ENTREP2: variants seen among roughly 807,000 people sequenced by gnomAD.
ENTREP2 encodes endosomal transmembrane epsin interactor 2, also known as protein ENTREP2.
At chr15:29,488,227 T>C in the ENTREP2 span, among the ~76,000 whole-genome samples, 14 of 152,192 alleles carry the variant, frequency 9.2e-5, no homozygotes, top group Admixed American at 1.3e-4. Context: ...AATAAAGATA[T>C]AGAAATTATA....
chr15:29,311,954 T>A, the ENTREP2 span, among the ~76,000 whole-genome samples: 12 of 152,264 alleles, frequency 7.9e-5, no homozygotes, highest in East Asian at 2.3e-3. Context: ...AATTATATGA[T>A]CATCTCTACA....
the ENTREP2 span, among the ~76,000 whole-genome samples, chr15:29,162,747 A>G: frequency 6.6e-6 from 1 of 151,432 alleles, no homozygotes; most frequent in East Asian, 1.9e-4. Context: ...AAAACAAAGG[A>G]CATATAATCT....
chr15:29,295,061 A>G, the ENTREP2 span, among the ~76,000 whole-genome samples: 2 of 152,252 alleles, frequency 1.3e-5, no homozygotes, highest in Non-Finnish European at 2.9e-5. Flanking sequence ...ACAGGGTGAC[A>G]GGGGTCAGTT....
At chr15:29,532,945 CT>C in the ENTREP2 span, among the ~76,000 whole-genome samples, 1 of 152,202 alleles carries the variant, frequency 6.6e-6, no homozygotes, top group African/African-American at 2.4e-5. Flanking sequence ...CTGAAACTCA[CT>C]TCCATATTTA....
chr15:29,334,873 G>A, the ENTREP2 span, among the ~76,000 whole-genome samples: 1 of 152,190 alleles, frequency 6.6e-6, no homozygotes, highest in Non-Finnish European at 1.5e-5. Flanking sequence ...GTACCCACAT[G>A]GAGACGCCAT....
chr15:29,383,569 C>CT, the ENTREP2 span, among the ~76,000 whole-genome samples: 1 of 152,184 alleles, frequency 6.6e-6, no homozygotes, highest in Non-Finnish European at 1.5e-5. Flanking sequence ...GCTGGAAGGG[C>CT]TTGGCTGCAT....
the ENTREP2 span, among the ~76,000 whole-genome samples, chr15:29,600,708 G>C: frequency 6.6e-6 from 1 of 151,970 alleles, no homozygotes; most frequent in South Asian, 2.1e-4. Flanking sequence ...CTGGCCTCAA[G>C]TGATCCTCCC....
At chr15:29,515,644 C>T in the ENTREP2 span, among the ~76,000 whole-genome samples, 3 of 152,144 alleles carry the variant, frequency 2.0e-5, no homozygotes, top group African/African-American at 7.2e-5. Context: ...TGTAATCCAG[C>T]GAGTCCTGTG....
At chr15:29,188,914 A>C in the ENTREP2 span, among the ~76,000 whole-genome samples, 1 of 152,202 alleles carries the variant, frequency 6.6e-6, no homozygotes, top group Non-Finnish European at 1.5e-5. Flanking sequence ...TGCGTCAGCG[A>C]ACACATCCCC....
the ENTREP2 span, among the ~76,000 whole-genome samples, chr15:29,642,478 T>C: frequency 1.5e-5 from 2 of 134,936 alleles, no homozygotes; most frequent in Non-Finnish European, 1.6e-5. Flanking sequence ...ATACTGTATA[T>C]ACACATATAT....
chr15:29,397,650 A>T, the ENTREP2 span, among the ~76,000 whole-genome samples: 182 of 152,338 alleles, frequency 1.2e-3, 1 homozygote, highest in African/African-American at 4.1e-3. Context: ...AACTTGCTAA[A>T]TTACTACAAT....
At chr15:29,566,717 A>G in the ENTREP2 span, among the ~76,000 whole-genome samples, 10 of 149,052 alleles carry the variant, frequency 6.7e-5, no homozygotes, top group African/African-American at 1.5e-4. Context: ...TCAGTCTCCC[A>G]AAGTGTTGGG....
chr15:29,519,159 T>TCTCA, the ENTREP2 span, among the ~76,000 whole-genome samples: 14 of 147,330 alleles, frequency 9.5e-5, no homozygotes, highest in African/African-American at 2.9e-4. Flanking sequence ...TCTCTCTCTC[T>TCTCA]CACACACACA....
the ENTREP2 span, among the ~76,000 whole-genome samples, chr15:29,361,580 C>T: frequency 2.0e-5 from 3 of 152,180 alleles, no homozygotes; most frequent in Non-Finnish European, 4.4e-5. Flanking sequence ...AACCTAAATA[C>T]CATATCTTAA....
the ENTREP2 span, among the ~76,000 whole-genome samples, chr15:29,399,761 T>C: frequency 2.0e-5 from 3 of 152,358 alleles, no homozygotes; most frequent in African/African-American, 7.2e-5. Context: ...GGATGTCGTA[T>C]GTACTATATG....
At chr15:29,350,811 C>T in the ENTREP2 span, among the ~76,000 whole-genome samples, 1,421 of 152,236 alleles carry the variant, frequency 9.3e-3, 10 homozygotes, top group South Asian at 0.016. Flanking sequence ...GGCATGGTGG[C>T]GTGCGCCTGT....
chr15:29,137,458 G>A, the ENTREP2 span, among the ~76,000 whole-genome samples: 7 of 152,132 alleles, frequency 4.6e-5, no homozygotes, highest in Non-Finnish European at 8.8e-5. Flanking sequence ...AGTCTTTCAT[G>A]CTGTCCCTAC....
chr15:29,668,575 G>A, the ENTREP2 span, among the ~76,000 whole-genome samples: 6 of 152,220 alleles, frequency 3.9e-5, no homozygotes, highest in South Asian at 6.2e-4. Flanking sequence ...GACTATTTGC[G>A]GTAAATAGGG....
chr15:29,561,476 A>G, the ENTREP2 span, among the ~76,000 whole-genome samples: 3 of 152,082 alleles, frequency 2.0e-5, no homozygotes, highest in Non-Finnish European at 4.4e-5. Flanking sequence ...TCACGAGGTC[A>G]GGAGATCGAG....
Sources: allele counts gnomAD v4.1 joint callset (sites outside exome capture counted in the v4.1 genomes callset), GRCh38; gene constraint gnomAD v4.1.1; transcripts MANE v1.5; gene names NCBI Gene and HGNC (gene_info 2026-07-23, HGNC 2026-07-21).